The following ARPIN variants were observed in gnomAD, a reference collection of about 807,000 sequenced individuals.
ARPIN encodes UPF0552 protein C15orf38.
Under a neutral mutation model 25.9 loss-of-function variants are expected in ARPIN, and 23 were observed. The observed-to-expected ratio is 0.89, with a 90% CI of 0.64 to 1.26. ARPIN has a LOEUF of 1.26. Among genes scored for constraint, ARPIN ranks in the 50% most tolerant of loss-of-function variants. ARPIN has a pLI of 0.00. For missense variants in ARPIN, 333 were observed against 312.2 expected (o/e 1.07, Z -0.50); for synonymous variants, 126 against 131.4 (o/e 0.96, Z 0.28).
rs764157428 is a variant in ARPIN at position 89,903,942 on chromosome 15, C to A, written c.343G>T (p.Ala115Ser). The change falls in exon 4 of 6, where the codon GCG (alanine) becomes TCG (serine). Residue 115 changes from alanine to serine, a missense_variant. Physicochemically the swap from Ala to Ser is moderately conservative, Grantham distance 99 (BLOSUM62 1). Transcript: ENST00000357484. Reference protein sequence around the residue: ...KGDTDRLTPEALKGLVNKPEL... With the variant: ...KGDTDRLTPESLKGLVNKPEL... ...GGCTTGTTGACCAGCCCCTTCAGCG[C>A]CTCGGGCGTGAGCCTGTCAGTGTCC... 6.2e-6 allele frequency: 10 copies of A among 1,611,428 alleles called. No homozygotes were observed. In the East Asian group the frequency reaches 2.2e-4, roughly 36 times the overall value.
intron 3 of ARPIN, among the ~76,000 whole-genome samples, chr15:89,907,476 A>G (rs1397275941): frequency 6.6e-6 from 1 of 152,226 alleles, no homozygotes; most frequent in Non-Finnish European, 1.5e-5. Context: ...TACGAGTGGG[A>G]TGAGTGCTTT....
Position 89,899,747 on chromosome 15 carries a change from C to A in ARPIN, c.*2048G>T, listed in dbSNP as rs1327014350. 1 of 152,464 alleles carries A rather than the reference C, an allele frequency of 6.6e-6. No homozygotes were observed. Among genetic ancestry groups the A allele is most frequent in the African/African-American group, 2.4e-5 (1 of 41,438 alleles). The allele number at this position is 152,464 out of a possible 1,614,324, so 9.4% of individuals were successfully genotyped here. ...CTCCAGCTGCTCGGCAGTCAAGTGA[C>A]CTTTGAAACACAGATCAGATCTTCT... On this transcript the variant is annotated 3_prime_UTR_variant, in exon 6 of 6. Coordinates refer to ENST00000357484, the MANE Select transcript of ARPIN (RefSeq NM_182616.4).
chr15:89,905,514 C>T (rs7184040), intron 3 of ARPIN, among the ~76,000 whole-genome samples: 1 of 152,050 alleles, frequency 6.6e-6, no homozygotes, highest in African/African-American at 2.4e-5. Flanking sequence ...CTGGCTTTGA[C>T]ACCTACTGCT....
rs1277319542 is a variant in ARPIN, at chr15:89,908,431, A to C, written c.169-19T>G. ...AGCGCTCCTGGGGCCAGGCAGACAG[A>C]GAGTGAGGGGGCGGCTTCATCCCAC... On this transcript the variant is annotated intron_variant, in intron 2 of 5. Transcript: ENST00000357484. 1 of 1,613,354 alleles carries C rather than the reference A, an allele frequency of 6.2e-7. No homozygotes were observed. The highest frequency in any genetic ancestry group is 1.3e-5 in the African/African-American group (1 of 74,852).
In ARPIN at chr15:89,900,409, G is replaced by A. The variant is rs1335116908; in HGVS notation, c.*1386C>T. The A allele has an allele frequency of 6.6e-6, 1 of 152,180 alleles. No homozygotes were observed. The highest frequency in any genetic ancestry group is 2.4e-5 in the African/African-American group (1 of 41,412). The allele number at this position is 152,180 out of a possible 1,614,324, so 9.4% of individuals were successfully genotyped here. A position where few individuals can be genotyped will look rare whatever the true frequency, so the allele number is the denominator to read the frequency against. On this transcript the variant is annotated 3_prime_UTR_variant, in exon 6 of 6. Coordinates refer to ENST00000357484, the MANE Select transcript of ARPIN (RefSeq NM_182616.4). ...TCCTGCTCTGTAATATGAATAGTCC[G>A]GTAGTTAAGAATGTGGGCTTTGAAA...
intron 2 of ARPIN, 25 bp from the exon 3 acceptor site, chr15:89,908,437 AG>A (rs751350131): frequency 3.1e-5 from 50 of 1,612,964 alleles, no homozygotes; most frequent in Admixed American, 5.0e-5. Flanking sequence ...ACAGAGAGTG[AG>A]GGGGCGGCTT....
chr15:89,911,396 C>T (rs900396903), intron 1 of ARPIN, among the ~76,000 whole-genome samples: 3 of 152,148 alleles, frequency 2.0e-5, no homozygotes, highest in Non-Finnish European at 2.9e-5. Context: ...CAAGATCACA[C>T]GGTCCTTCAC....
chr15:89,901,872 G>A, intron 5 of ARPIN, 69 bp from the exon 6 acceptor site: 1 of 1,578,108 alleles, frequency 6.3e-7, no homozygotes, highest in Non-Finnish European at 8.7e-7. Context: ...CAAGTTATCA[G>A]ACAAACAAGG....
intron 1 of ARPIN, 82 bp downstream of exon 1, chr15:89,912,662 A>AGGGGGGGG: frequency 1.5e-6 from 1 of 661,660 alleles, no homozygotes; most frequent in Non-Finnish European, 1.9e-6. Context: ...CCCCACCCGC[A>AGGGGGGGG]TCCCACCCCC....
intron 1 of ARPIN, chr15:89,912,405 G>A (rs1198032121): frequency 2.9e-5 from 32 of 1,108,522 alleles, no homozygotes; most frequent in Non-Finnish European, 3.5e-5. Flanking sequence ...AAGCAGCGCG[G>A]CAAGTAGCTG....
At chr15:89,908,446 C>T (rs1228851257) in intron 2 of ARPIN, 34 bp from the exon 3 acceptor site, 1 of 1,611,970 alleles carries the variant, frequency 6.2e-7, no homozygotes, top group Non-Finnish European at 8.5e-7. Context: ...GAGGGGGCGG[C>T]TTCATCCCAC....
At chr15:89,905,195 T>C (rs553469013) in intron 3 of ARPIN, among the ~76,000 whole-genome samples, 1 of 152,126 alleles carries the variant, frequency 6.6e-6, no homozygotes, top group Admixed American at 6.5e-5. Context: ...CTAATTTTTG[T>C]ATTTTTGTTA....
chr15:89,908,125 G>A (rs1238341716), intron 3 of ARPIN, among the ~76,000 whole-genome samples, 155 bp downstream of exon 3: 3 of 152,196 alleles, frequency 2.0e-5, no homozygotes, highest in Non-Finnish European at 4.4e-5. Flanking sequence ...GGGAGGCAAG[G>A]CCAGGGGTGG....
At chr15:89,907,453 G>A (rs753191792) in intron 3 of ARPIN, among the ~76,000 whole-genome samples, 31 of 152,190 alleles carry the variant, frequency 2.0e-4, no homozygotes, top group Non-Finnish European at 3.2e-4. Context: ...CCTTTAGGAG[G>A]TGAGTCATGG....
rs2141915788 is a variant in ARPIN at position 89,899,775 on chromosome 15, C to T, written c.*2020G>A. 6.6e-6 allele frequency: 1 copy of T among 152,514 alleles called. No individual in the cohort carries two copies. The highest frequency in any genetic ancestry group is 1.9e-4 in the East Asian group (1 of 5,186). 9.4% of individuals were successfully genotyped at this position (152,514 alleles called of 1,614,324 possible). ...TTGAAACACAGATCAGATCTTCTCA[C>T]TCTCCATGGGATCACTGGCTTCCAG... On this transcript the variant is annotated 3_prime_UTR_variant, in exon 6 of 6. Coordinates refer to ENST00000357484, the MANE Select transcript of ARPIN (RefSeq NM_182616.4).
intron 1 of ARPIN, 81 bp downstream of exon 1, chr15:89,912,663 T>TTTCCCC: frequency 1.1e-6 from 1 of 871,112 alleles, no homozygotes; most frequent in Non-Finnish European, 1.4e-6. Flanking sequence ...CCCACCCGCA[T>TTTCCCC]CCCACCCCCC....
At chr15:89,912,254 G>A (rs1168671420) in intron 1 of ARPIN, 3 of 989,676 alleles carry the variant, frequency 3.0e-6, no homozygotes, top group South Asian at 4.7e-5. Context: ...TGGTCCCTTC[G>A]GCCTCATAAC....
At chr15:89,906,371 T>A (rs1172321209) in intron 3 of ARPIN, among the ~76,000 whole-genome samples, 1 of 152,110 alleles carries the variant, frequency 6.6e-6, no homozygotes, top group African/African-American at 2.4e-5. Context: ...CAGGAACTCT[T>A]CAACTGCCAG....
rs1339212368 is a variant in ARPIN, at chr15:89,897,182, A to C, written c.*4613T>G. 2 of 152,230 alleles carry C rather than the reference A, an allele frequency of 1.3e-5. No individual in the cohort carries two copies. Among genetic ancestry groups the C allele is most frequent in the Admixed American group, 1.3e-4 (2 of 15,276 alleles). The allele number at this position is 152,230 out of a possible 1,614,324, so 9.4% of individuals were successfully genotyped here. A position where few individuals can be genotyped will look rare whatever the true frequency, so the allele number is the denominator to read the frequency against. ...CATGACAGAACTATCCAATGGTAGC[A>C]ATCTTAAAAATAATGGTTACAGGTG... On this transcript the variant is annotated 3_prime_UTR_variant, in exon 6 of 6. Coordinates refer to ENST00000357484, the MANE Select transcript of ARPIN (RefSeq NM_182616.4).
Sources: gnomAD v4.1 joint callset for allele counts (sites outside exome capture counted in the v4.1 genomes callset) on GRCh38, gnomAD v4.1.1 for gene constraint, MANE v1.5 for transcripts, NCBI Gene and HGNC (gene_info 2026-07-23, HGNC 2026-07-21) for gene names.